Variants in NASP observed in about 807,000 individuals in gnomAD.
NASP encodes the protein nuclear autoantigenic sperm protein.
In NASP, 24 loss-of-function variants were observed where a neutral mutation model predicts 89.5. The ratio of observed to expected loss-of-function variants is 0.27; its 90% CI spans 0.19 to 0.38. NASP has a LOEUF of 0.38. Among genes scored for constraint, NASP ranks in the 10% least tolerant of loss-of-function variants. The pLI is 1.00. For missense variants in NASP, 848 were observed against 921.4 expected (o/e 0.92, Z 1.03); for synonymous variants, 306 against 324.7 (o/e 0.94, Z 0.62).
chr1:45,616,281 C>A, intron 11 of NASP, 56 bp from the exon 12 acceptor site: 1 of 1,500,198 alleles, frequency 6.7e-7, no homozygotes, highest in Non-Finnish European at 9.3e-7. Flanking sequence ...TGTTACAAGG[C>A]TGTGGGCGGC....
Position 45,584,084 on chromosome 1 carries a change from C to A in NASP, c.-63C>A. ...TGTCCCTGAGTGAGTCTCTGGCGTC[C>A]CAAATTGCCTGTTTTTCTCGCAGGC... is the stretch of plus-strand genomic sequence containing the variant. On this transcript the variant is annotated 5_prime_UTR_variant, in exon 1 of 15. Coordinates refer to ENST00000350030, the MANE Select transcript of NASP (RefSeq NM_002482.4). 6.8e-7 allele frequency: 1 copy of A among 1,473,090 alleles called. No individual in the cohort carries two copies. Among genetic ancestry groups the A allele is most frequent in the Non-Finnish European group, 9.3e-7 (1 of 1,077,626 alleles). 91.3% of individuals were successfully genotyped at this position (1,473,090 alleles called of 1,614,324 possible). A position where few individuals can be genotyped will look rare whatever the true frequency, so the allele number is the denominator to read the frequency against.
In NASP at chr1:45,607,420, C is replaced by G. The variant is rs1643925639; in HGVS notation, c.509C>G (p.Thr170Ser). The change falls in exon 6 of 15, where the codon ACT (threonine) becomes AGT (serine). Residue 170 changes from threonine (T) to serine (S), a missense_variant. This residue lies in a region of NASP where 464 missense variants were observed against 469.4 expected (regional missense o/e 0.99). Coordinates refer to ENST00000350030, the MANE Select transcript of NASP (RefSeq NM_002482.4). ...GACAAGTCTTTGGCAAAGCCTGAAA[C>G]TGATAAAGAACAGGACAGTGAAATG... ...TEDKSLAKPE[T>S]DKEQDSEMEK... 6.2e-7 allele frequency: 1 copy of G among 1,613,618 alleles called. No homozygotes were observed.
chr1:45,607,389 A>T lies in NASP; in HGVS notation c.478A>T (p.Thr160Ser). ...AMGEKEEAKK[T>S]EDKSLAKPET... ...GGGAGAAAAAGAAGAAGCCAAAAAA[A>T]CAGAAGACAAGTCTTTGGCAAAGCC... Residue 160 changes from threonine (T) to serine (S), a missense_variant, in exon 6 of 15, where the codon ACA becomes TCA. Physicochemically the swap from Thr to Ser is moderately conservative, Grantham distance 58 (BLOSUM62 1). This residue lies in a region of NASP where 464 missense variants were observed against 469.4 expected (regional missense o/e 0.99). Coordinates refer to ENST00000350030, the MANE Select transcript of NASP (RefSeq NM_002482.4). The T allele has an allele frequency of 6.2e-7, 1 of 1,614,110 alleles. No homozygotes were observed. The highest frequency in any genetic ancestry group is 8.5e-7 in the Non-Finnish European group (1 of 1,179,976).
At chr1:45,597,262 G>A (rs1643721393) in intron 2 of NASP, among the ~76,000 whole-genome samples, 2 of 144,978 alleles carry the variant, frequency 1.4e-5, no homozygotes, top group Admixed American at 1.4e-4. Context: ...AGCTGAGATC[G>A]TGCCACTGCA....
At position 45,587,680 on chromosome 1, in the gene NASP, ATATATAT is replaced by A. The variant is rs1557647852; in HGVS notation, c.59+3476_59+3482del. Among the ~76,000 whole-genome samples, 67 of 95,810 alleles carry A rather than the reference ATATATAT, an allele frequency of 7.0e-4. 4 individuals are homozygous for A. Among genetic ancestry groups the A allele is most frequent in the African/African-American group, 9.8e-4 (24 of 24,474 alleles). The allele number at this position is 95,810 out of a possible 152,430, so 62.9% of individuals were successfully genotyped here. A position where few individuals can be genotyped will look rare whatever the true frequency, so the allele number is the denominator to read the frequency against. On this transcript the variant is annotated intron_variant, in intron 1 of 14. Transcript: ENST00000350030. The stretch of plus-strand genomic sequence containing the variant: ...TTTTTTCATATATATATATATATAT[ATATATAT>A]AATTAATTTTTTGGAGAGAGAGTCT...
At chr1:45,607,259 A>C in intron 5 of NASP, 62 bp from the exon 6 acceptor site, 1 of 1,529,202 alleles carries the variant, frequency 6.5e-7, no homozygotes, top group Non-Finnish European at 8.9e-7. Context: ...TTTAGTTTCC[A>C]TTTATGCCTT....
At chr1:45,599,589 G>A (rs888636375) in intron 2 of NASP, among the ~76,000 whole-genome samples, 1 of 151,830 alleles carries the variant, frequency 6.6e-6, no homozygotes, top group Non-Finnish European at 1.5e-5. Flanking sequence ...CACCACGCCC[G>A]GCTAACTTTT....
In NASP at chr1:45,613,201, AATG is replaced by A. The variant is rs1260794681; in HGVS notation, c.1462_1464del (p.Asp488del). On this transcript the variant is annotated inframe_deletion, in exon 7 of 15. Transcript: ENST00000350030. ...AGGCTCAGAAGAGGATGATAAAGAAAATGATAAGACCGAAGAAATGCCAAATGA... is the reference window on the plus strand; with the variant it reads ...AGGCTCAGAAGAGGATGATAAAGAAAATAAGACCGAAGAAATGCCAAATGA... 6.2e-7 allele frequency: 1 copy of A among 1,611,680 alleles called. No individual in the cohort carries two copies.
chr1:45,591,192 A>T (rs780037559), intron 1 of NASP, 31 bp from the exon 2 acceptor site: 2 of 1,394,786 alleles, frequency 1.4e-6, no homozygotes, highest in Admixed American at 4.9e-5. Flanking sequence ...CTCCAGTTTT[A>T]CATTTTTTCC....
At chr1:45,617,898 CAGAGTATTCA>C (rs1644134595) in intron 14 of NASP, among the ~76,000 whole-genome samples, 153 bp from the exon 15 acceptor site, 1 of 152,232 alleles carries the variant, frequency 6.6e-6, no homozygotes, top group Non-Finnish European at 1.5e-5. Flanking sequence ...CCCATTATCA[CAGAGTATTCA>C]AGAAATACTT....
At chr1:45,588,398 C>T (rs1414382519) in intron 1 of NASP, among the ~76,000 whole-genome samples, 2 of 152,134 alleles carry the variant, frequency 1.3e-5, no homozygotes, top group African/African-American at 4.8e-5. Context: ...GCCACCGTGC[C>T]CAGGCTACAC....
intron 1 of NASP, chr1:45,588,782 CA>C (rs754289356): frequency 8.0e-3 from 1,930 of 241,886 alleles, no homozygotes; most frequent in South Asian, 0.017. Flanking sequence ...ACTAAAAATA[CA>C]AAAAAAAAAT....
chr1:45,591,493 A>G (rs989711163), intron 2 of NASP, among the ~76,000 whole-genome samples: 3 of 151,864 alleles, frequency 2.0e-5, no homozygotes, highest in African/African-American at 4.8e-5. Flanking sequence ...AGCTAGGACT[A>G]TAGGCACATG....
At chr1:45,593,466 G>C (rs1035226076) in intron 2 of NASP, among the ~76,000 whole-genome samples, 1 of 149,970 alleles carries the variant, frequency 6.7e-6, no homozygotes, top group African/African-American at 2.5e-5. Context: ...CTGGGAGGTG[G>C]AGGTTGCATT....
chr1:45,599,951 G>GTTTTTTTTTTTTTTTTTTTTTTTTTTT (rs1375366938), intron 2 of NASP, among the ~76,000 whole-genome samples: 5 of 101,936 alleles, frequency 4.9e-5, no homozygotes, highest in African/African-American at 1.7e-4. Context: ...CTTTTCCTCT[G>GTTTTTTTTTTTTTTTTTTTTTTTTTTT]TATTTTTTTT....
intron 3 of NASP, 34 bp from the exon 4 acceptor site, chr1:45,604,902 T>C (rs1351867097): frequency 1.4e-6 from 2 of 1,441,688 alleles, no homozygotes; most frequent in African/African-American, 2.8e-5. Context: ...GATTAGATGG[T>C]AATTCAGATT....
chr1:45,590,717 G>A (rs1371333377), intron 1 of NASP, among the ~76,000 whole-genome samples: 3 of 114,706 alleles, frequency 2.6e-5, no homozygotes, highest in African/African-American at 3.4e-5. Context: ...ACGGAGTCTC[G>A]CTGTGATATC....
At chr1:45,591,735 GAC>G (rs1643555069) in intron 2 of NASP, among the ~76,000 whole-genome samples, 1 of 152,158 alleles carries the variant, frequency 6.6e-6, no homozygotes, top group Non-Finnish European at 1.5e-5. Context: ...CACCCGTAGT[GAC>G]TATGTTTCTT....
chr1:45,615,338 G>A lies in NASP; in HGVS notation c.1889G>A (p.Gly630Glu), dbSNP rs767937877. 1.2e-6 allele frequency: 2 copies of A among 1,614,178 alleles called. No individual in the cohort carries two copies. The highest frequency in any genetic ancestry group is 2.2e-5 in the South Asian group (2 of 91,076). Residue 630 changes from glycine (G) to glutamate (E), a missense_variant, in exon 11 of 15, where the codon GGA becomes GAA. Physicochemically the swap from Gly to Glu is moderately conservative, Grantham distance 98. Around this residue, in one of 5 missense-constraint regions of NASP, gnomAD observed 218 missense variants for 219.6 expected, o/e 0.99. Coordinates refer to ENST00000350030, the MANE Select transcript of NASP (RefSeq NM_002482.4). Reference sequence around the variant, plus strand: ...AACGAGCAGGTGAAGGAGGCTGAAGGATCGTCTGCTGAATACAAGAAAGAA... The same window carrying A: ...AACGAGCAGGTGAAGGAGGCTGAAGAATCGTCTGCTGAATACAAGAAAGAA... ...VLNEQVKEAEGSSAEYKKEIE... is the reference protein window; with the variant it reads ...VLNEQVKEAEESSAEYKKEIE...
Sources: gnomAD v4.1 joint callset for allele counts (sites outside exome capture counted in the v4.1 genomes callset) on GRCh38, gnomAD v4.1.1 for gene constraint, gnomAD v4.1.1 regional missense constraint, MANE v1.5 for transcripts, NCBI Gene and HGNC (gene_info 2026-07-23, HGNC 2026-07-21) for gene names.